ZBTB20: variants seen among roughly 807,000 people sequenced by gnomAD.
The protein encoded by ZBTB20 is zinc finger and BTB domain-containing protein 20.
Under a neutral mutation model 56.9 loss-of-function variants are expected in ZBTB20, and 9 were observed. That is an observed-to-expected ratio of 0.16 (90% CI 0.10 to 0.28). The LOEUF (loss-of-function observed/expected upper bound fraction) is 0.28, where lower values mean the gene tolerates loss of function less well. Ranked by LOEUF, ZBTB20 falls within the 10% of genes least tolerant of loss-of-function variation. The probability of loss-of-function intolerance (pLI) is 1.00; values close to 1 mark genes in which losing one functional copy is unlikely to be tolerated. For missense variants in ZBTB20, 655 were observed against 1,003.0 expected (o/e 0.65, Z 4.69); for synonymous variants, 417 against 420.7 (o/e 0.99, Z 0.11).
intron 11 of ZBTB20, among the ~76,000 whole-genome samples, chr3:114,345,707 G>C (rs959109495): frequency 5.3e-5 from 8 of 152,228 alleles, no homozygotes; most frequent in Admixed American, 1.3e-4. Flanking sequence ...GTCTGGGGTG[G>C]GGGTGAAGGG....
chr3:114,367,766 T>C (rs929782640), intron 10 of ZBTB20, among the ~76,000 whole-genome samples: 22 of 141,198 alleles, frequency 1.6e-4, no homozygotes, highest in African/African-American at 4.7e-4. Flanking sequence ...ATATTAGTCC[T>C]CTTTCATTTT....
At chr3:114,974,576 T>C (rs1438176209) in intron 2 of ZBTB20, among the ~76,000 whole-genome samples, 160 bp from the exon 3 acceptor site, 3 of 152,184 alleles carry the variant, frequency 2.0e-5, no homozygotes, top group Non-Finnish European at 4.4e-5. Flanking sequence ...TGTGTACAAG[T>C]ACTCAGTAAA....
chr3:114,473,964 T>C (rs2040444460), intron 7 of ZBTB20, among the ~76,000 whole-genome samples: 1 of 152,238 alleles, frequency 6.6e-6, no homozygotes, highest in South Asian at 2.1e-4. Flanking sequence ...CAGTTCCATG[T>C]GGCTGGAGAG....
At chr3:114,766,928 C>T (rs893808560) in intron 5 of ZBTB20, among the ~76,000 whole-genome samples, 7 of 151,984 alleles carry the variant, frequency 4.6e-5, no homozygotes, top group African/African-American at 1.7e-4. Flanking sequence ...TACAAAGATA[C>T]TTGGATGAAA....
At chr3:114,579,495 A>G (rs2054425185) in intron 6 of ZBTB20, among the ~76,000 whole-genome samples, 1 of 151,520 alleles carries the variant, frequency 6.6e-6, no homozygotes, top group Non-Finnish European at 1.5e-5. Context: ...TAAAAGGGTA[A>G]TAATTCAATT....
At chr3:114,847,838 A>T (rs983499426) in intron 4 of ZBTB20, among the ~76,000 whole-genome samples, 1 of 152,200 alleles carries the variant, frequency 6.6e-6, no homozygotes, top group Non-Finnish European at 1.5e-5. Context: ...GGCCTTCAGT[A>T]AGCACTTGTT....
At chr3:115,119,420 A>G (rs2084116987) in intron 1 of ZBTB20, among the ~76,000 whole-genome samples, 1 of 152,222 alleles carries the variant, frequency 6.6e-6, no homozygotes, top group Non-Finnish European at 1.5e-5. Flanking sequence ...AAAAGTTGCT[A>G]AAATTTATCA....
chr3:114,650,107 G>A (rs1295764), intron 6 of ZBTB20, among the ~76,000 whole-genome samples: 6,124 of 151,844 alleles, frequency 0.04, 376 homozygotes, highest in African/African-American at 0.13. Flanking sequence ...ATCCTTTCAT[G>A]TTTCTCAGTT....
intron 4 of ZBTB20, among the ~76,000 whole-genome samples, chr3:114,803,984 C>A (rs2071911016): frequency 6.6e-6 from 1 of 151,782 alleles, no homozygotes; most frequent in African/African-American, 2.4e-5. Context: ...TGGAAGAAAA[C>A]TATGTAAGGC....
intron 2 of ZBTB20, among the ~76,000 whole-genome samples, chr3:115,064,951 C>T (rs1055975656): frequency 6.6e-6 from 1 of 152,068 alleles, no homozygotes; most frequent in South Asian, 2.1e-4. Context: ...TTTTTATGGG[C>T]ACTCAGAAGA....
chr3:114,598,177 G>A (rs1044609506), intron 6 of ZBTB20, among the ~76,000 whole-genome samples: 1 of 152,036 alleles, frequency 6.6e-6, no homozygotes, highest in Non-Finnish European at 1.5e-5. Flanking sequence ...AAGGTTCAAG[G>A]AAATCTTCTC....
chr3:114,997,103 A>C (rs1473665089), intron 2 of ZBTB20, among the ~76,000 whole-genome samples: 4 of 151,872 alleles, frequency 2.6e-5, no homozygotes, highest in African/African-American at 9.7e-5. Flanking sequence ...GAGAAATCTT[A>C]AACAGTAGGG....
chr3:114,787,368 T>TATATATATATATACAC (rs1433434685), intron 5 of ZBTB20, among the ~76,000 whole-genome samples: 1 of 106,326 alleles, frequency 9.4e-6, no homozygotes, highest in African/African-American at 4.5e-5. Context: ...TATATATATA[T>TATATATATATATACAC]ACACACACAC....
At chr3:114,756,958 T>C (rs1390673980) in intron 5 of ZBTB20, among the ~76,000 whole-genome samples, 7 of 152,188 alleles carry the variant, frequency 4.6e-5, no homozygotes, top group Admixed American at 2.6e-4. Flanking sequence ...GGGAATAATG[T>C]CAATTTTCAC....
intron 4 of ZBTB20, among the ~76,000 whole-genome samples, chr3:114,830,326 A>C (rs1399724649): frequency 6.6e-6 from 1 of 151,958 alleles, no homozygotes; most frequent in African/African-American, 2.4e-5. Flanking sequence ...GCTCTATTGC[A>C]TTTTAAATAA....
intron 6 of ZBTB20, among the ~76,000 whole-genome samples, chr3:114,627,934 C>T (rs929498557): frequency 1.3e-5 from 2 of 152,038 alleles, no homozygotes; most frequent in African/African-American, 2.4e-5. Context: ...TGTAGAGTTC[C>T]GGGCTGGGAG....
intron 5 of ZBTB20, among the ~76,000 whole-genome samples, chr3:114,799,381 G>C (rs990757650): frequency 6.6e-6 from 1 of 151,914 alleles, no homozygotes; most frequent in Non-Finnish European, 1.5e-5. Flanking sequence ...GAAGTGTAAA[G>C]TCAATGAGGT....
rs572686240 is a variant in ZBTB20 at position 114,353,977 on chromosome 3, G to T, written c.200-2099C>A. Among the ~76,000 whole-genome samples the T allele has an allele frequency of 9.2e-5, 14 of 152,226 alleles. No homozygotes were observed. In the East Asian group the frequency reaches 2.7e-3, roughly 29 times the overall value. On this transcript the variant is annotated intron_variant, in intron 10 of 11. Transcript: ENST00000675478. Reference sequence around the variant, plus strand: ...ACTGCTTCATTATATTGCATAGTTTGCCCTTTACTGAGGTCTGGCCCTTAG... The same window carrying T: ...ACTGCTTCATTATATTGCATAGTTTTCCCTTTACTGAGGTCTGGCCCTTAG...
intron 1 of ZBTB20, among the ~76,000 whole-genome samples, chr3:115,090,462 T>A (rs572368087): frequency 6.6e-6 from 1 of 151,706 alleles, no homozygotes; most frequent in African/African-American, 2.4e-5. Context: ...AAAGAAAATA[T>A]TAGTTTTAGG....
Sources: gnomAD v4.1 joint callset for allele counts (sites outside exome capture counted in the v4.1 genomes callset) on GRCh38, gnomAD v4.1.1 for gene constraint, MANE v1.5 for transcripts, NCBI Gene and HGNC (gene_info 2026-07-23, HGNC 2026-07-21) for gene names.